Variants in GSE1 observed in about 807,000 individuals in gnomAD.
GSE1 encodes the protein Gse1 coiled-coil protein, also known as genetic suppressor element 1.
Under a neutral mutation model 112.6 loss-of-function variants are expected in GSE1, and 32 were observed. The ratio of observed to expected loss-of-function variants is 0.28; its 90% CI spans 0.21 to 0.38. The LOEUF (loss-of-function observed/expected upper bound fraction) is 0.38. Among genes scored for constraint, GSE1 ranks in the 10% least tolerant of loss-of-function variants. The pLI, the probability that GSE1 is intolerant of heterozygous loss-of-function variation, is 1.00. For synonymous variants in GSE1, 1,115 were observed against 735.6 expected (o/e 1.52, Z -8.35); for missense variants, 2,348 against 1,699.2 (o/e 1.38, Z -6.71).
At chr16:85,222,293 G>A (rs2075407763) in intron 1 of GSE1, among the ~76,000 whole-genome samples, 1 of 152,218 alleles carries the variant, frequency 6.6e-6, no homozygotes, top group Non-Finnish European at 1.5e-5. Flanking sequence ...GGGAGCCCAG[G>A]TCCCGGGCTG....
At chr16:85,628,636 C>T (rs902521110) in intron 1 of GSE1, among the ~76,000 whole-genome samples, 4 of 152,196 alleles carry the variant, frequency 2.6e-5, no homozygotes, top group African/African-American at 4.8e-5. Context: ...TGTGGCTGGA[C>T]AGCCCCACGC....
At chr16:85,376,635 A>G (rs2047426920) in intron 2 of GSE1, among the ~76,000 whole-genome samples, 1 of 152,184 alleles carries the variant, frequency 6.6e-6, no homozygotes, top group African/African-American at 2.4e-5. Flanking sequence ...CTGTCACCAC[A>G]GTGGCTGGGA....
At chr16:85,614,022 C>A (rs1176107952) in intron 1 of GSE1, among the ~76,000 whole-genome samples, 1 of 151,724 alleles carries the variant, frequency 6.6e-6, no homozygotes, top group Non-Finnish European at 1.5e-5. Context: ...GAAGGGCGCG[C>A]CCCGGGCTCG....
chr16:85,648,538 C>T lies in GSE1; in HGVS notation c.227-14C>T, dbSNP rs770556954. Reference sequence around the variant, plus strand: ...CTGCGGCTCCCACTCAGGCCACCGTCTTCTCCTCCACAGGGTCCTCACTGA... The same window carrying T: ...CTGCGGCTCCCACTCAGGCCACCGTTTTCTCCTCCACAGGGTCCTCACTGA... On this transcript the variant is annotated splice_polypyrimidine_tract_variant and intron_variant, in intron 2 of 15. Coordinates refer to ENST00000253458, the MANE Select transcript of GSE1 (RefSeq NM_014615.5). 1 of 1,464,342 alleles carries T rather than the reference C, an allele frequency of 6.8e-7. No homozygotes were observed. Among genetic ancestry groups the T allele is most frequent in the Non-Finnish European group, 9.2e-7 (1 of 1,088,340 alleles). The allele number at this position is 1,464,342 out of a possible 1,614,324, so 90.7% of individuals were successfully genotyped here.
Position 85,228,612 on chromosome 16 carries a change from C to T in GSE1, c.2283+56805C>T, listed in dbSNP as rs546779904. Among the ~76,000 whole-genome samples, 5 of 152,320 alleles carry T rather than the reference C, an allele frequency of 3.3e-5. No homozygotes were observed. In the South Asian group the frequency reaches 6.2e-4, roughly 19 times the overall value. ...CAGGAAGTGTTGCGTGTCAGCAGTACAGTCCCTGCCTGCAGTGTATGCCTA... is the reference window on the plus strand; with the variant it reads ...CAGGAAGTGTTGCGTGTCAGCAGTATAGTCCCTGCCTGCAGTGTATGCCTA... On this transcript the variant is annotated intron_variant, in intron 1 of 2. Transcript: ENST00000637419.
intron 1 of GSE1, among the ~76,000 whole-genome samples, chr16:85,226,975 G>T (rs909007273): frequency 6.6e-6 from 1 of 151,840 alleles, no homozygotes; most frequent in Non-Finnish European, 1.5e-5. Flanking sequence ...CCACACCTAG[G>T]GCCCACCTGC....
chr16:85,443,388 G>A (rs2049428723), intron 2 of GSE1, among the ~76,000 whole-genome samples: 2 of 152,224 alleles, frequency 1.3e-5, no homozygotes, highest in African/African-American at 4.8e-5. Flanking sequence ...CCTCGGGCCA[G>A]TGTCTTCACC....
intron 2 of GSE1, among the ~76,000 whole-genome samples, chr16:85,421,630 C>G (rs749365825): frequency 6.6e-6 from 1 of 152,130 alleles, no homozygotes; most frequent in Admixed American, 6.5e-5. Flanking sequence ...TTTGCAGGCC[C>G]GAGCTTGTGA....
intron 1 of GSE1, among the ~76,000 whole-genome samples, chr16:85,352,691 G>C (rs535877602): frequency 6.6e-6 from 1 of 152,178 alleles, no homozygotes; most frequent in Non-Finnish European, 1.5e-5. Context: ...GAGAACTTTT[G>C]TCTCCACCTT....
intron 1 of GSE1, among the ~76,000 whole-genome samples, chr16:85,175,935 G>A (rs950566776): frequency 6.6e-6 from 1 of 152,186 alleles, no homozygotes; most frequent in African/African-American, 2.4e-5. Context: ...TCGGGCCTGA[G>A]TCCAGCTCTT....
At chr16:85,314,633 TGAACA>T (rs1434163222) in intron 1 of GSE1, among the ~76,000 whole-genome samples, 1 of 152,214 alleles carries the variant, frequency 6.6e-6, no homozygotes, top group African/African-American at 2.4e-5. Context: ...CACTCCTTCC[TGAACA>T]CCTGCTCCCC....
intron 1 of GSE1, among the ~76,000 whole-genome samples, chr16:85,201,385 C>T (rs1256449233): frequency 6.7e-6 from 1 of 149,994 alleles, no homozygotes; most frequent in African/African-American, 2.5e-5. Context: ...AAGCCGGGCA[C>T]GATGGCTCAC....
At chr16:85,184,066 C>A (rs996146490) in intron 1 of GSE1, among the ~76,000 whole-genome samples, 2 of 152,220 alleles carry the variant, frequency 1.3e-5, no homozygotes, top group African/African-American at 4.8e-5. Context: ...GGCGAACTCA[C>A]TCCCTCAGAA....
intron 1 of GSE1, among the ~76,000 whole-genome samples, chr16:85,587,165 G>A (rs950518976): frequency 1.3e-4 from 19 of 142,072 alleles, no homozygotes; most frequent in South Asian, 2.2e-4. Context: ...GTCTGAGGAC[G>A]AAACCCCCCC....
At chr16:85,559,987 A>G (rs1222008508) in intron 1 of GSE1, among the ~76,000 whole-genome samples, 1 of 152,228 alleles carries the variant, frequency 6.6e-6, no homozygotes, top group Non-Finnish European at 1.5e-5. Context: ...GAGCAGGTCC[A>G]CTGAAGATGG....
intron 1 of GSE1, among the ~76,000 whole-genome samples, chr16:85,215,323 G>A (rs1346930246): frequency 6.6e-6 from 1 of 152,158 alleles, no homozygotes. Flanking sequence ...AAAACCATAC[G>A]TTCTCACTTG....
At chr16:85,198,225 A>T (rs1469715960) in intron 1 of GSE1, among the ~76,000 whole-genome samples, 1 of 152,192 alleles carries the variant, frequency 6.6e-6, no homozygotes, top group Non-Finnish European at 1.5e-5. Flanking sequence ...GTAGCTCCCA[A>T]CCATGGGGAC....
chr16:85,474,483 C>T (rs2050391562), intron 2 of GSE1, among the ~76,000 whole-genome samples: 1 of 152,114 alleles, frequency 6.6e-6, no homozygotes, highest in Non-Finnish European at 1.5e-5. Context: ...GGCGGGGAGT[C>T]ACATTTCATT....
At chr16:85,635,141 G>A (rs967107688) in intron 2 of GSE1, among the ~76,000 whole-genome samples, 10 of 152,162 alleles carry the variant, frequency 6.6e-5, no homozygotes, top group Admixed American at 6.5e-4. Flanking sequence ...GGGCGGGCTG[G>A]GGGGACTTCT....
Sources: gnomAD v4.1 joint callset for allele counts (sites outside exome capture counted in the v4.1 genomes callset) on GRCh38, gnomAD v4.1.1 for gene constraint, MANE v1.5 for transcripts, NCBI Gene and HGNC (gene_info 2026-07-23, HGNC 2026-07-21) for gene names.